MRC1: variants seen among roughly 807,000 people sequenced by gnomAD.
MRC1 encodes the protein macrophage mannose receptor 1.
Under a neutral mutation model 102.9 loss-of-function variants are expected in MRC1, and 62 were observed. The ratio of observed to expected loss-of-function variants is 0.60; its 90% CI spans 0.49 to 0.74. The LOEUF is 0.74. Among genes scored for constraint, MRC1 ranks in the 30% least tolerant of loss-of-function variants. The pLI, the probability that MRC1 is intolerant of heterozygous loss-of-function variation, is 0.00. For missense variants in MRC1, 1,237 were observed against 862.8 expected (o/e 1.43, Z -5.43); for synonymous variants, 457 against 298.4 (o/e 1.53, Z -5.48).
chr10:17,839,346 CG>C (rs1229276907), intron 4 of MRC1, among the ~76,000 whole-genome samples: 1 of 152,068 alleles, frequency 6.6e-6, no homozygotes, highest in African/African-American at 2.4e-5. Context: ...CACTTATTTT[CG>C]TAATTAAGTT....
At chr10:17,855,613 C>T (rs1476937471) in intron 8 of MRC1, among the ~76,000 whole-genome samples, 1 of 143,642 alleles carries the variant, frequency 7.0e-6, no homozygotes, top group South Asian at 2.3e-4. Context: ...TGCATGCAAA[C>T]CTCTTGCGAG....
chr10:17,910,773 C>G lies in MRC1; in HGVS notation c.*308C>G. On this transcript the variant is annotated 3_prime_UTR_variant, in exon 30 of 30. Transcript: ENST00000569591. The stretch of plus-strand genomic sequence containing the variant: ...CAGCTTCATGTGGATTTTAAGCACT[C>G]TAGAAACAATGAAGCTTCTTGGCAT... 1 of 360,090 alleles carries G rather than the reference C, an allele frequency of 2.8e-6. No homozygotes were observed. Among genetic ancestry groups the G allele is most frequent in the Non-Finnish European group, 5.1e-6 (1 of 195,698 alleles). The allele number at this position is 360,090 out of a possible 1,614,324, so 22.3% of individuals were successfully genotyped here.
rs925384204 is a variant in MRC1, at chr10:17,886,048, G to C, written c.3147+613G>C. Among the ~76,000 whole-genome samples the C allele has an allele frequency of 7.5e-3, 1,135 of 152,228 alleles. 7 individuals are homozygous for C. Among genetic ancestry groups the C allele is most frequent in the African/African-American group, 0.026 (1,076 of 41,536 alleles). On this transcript the variant is annotated intron_variant, in intron 22 of 29. Transcript: ENST00000569591. ...AAGATTTTGTTTTTACCTTAAAAGT[G>C]TGTACACTTAAACTAGACCACAAGT... is the stretch of plus-strand genomic sequence containing the variant.
chr10:17,841,456 A>G (rs479638), intron 5 of MRC1, among the ~76,000 whole-genome samples: 144,208 of 152,284 alleles, frequency 0.95, 68,303 homozygotes, highest in East Asian at 1. Flanking sequence ...GAGGTTTCTC[A>G]ACAGTAGTTT....
Position 17,871,905 on chromosome 10 carries a change from G to A in MRC1, c.2200-77G>A, listed in dbSNP as rs933024402. 1.6e-3 allele frequency: 1,210 copies of A among 738,000 alleles called. 7 individuals carry two copies. Among genetic ancestry groups the A allele is most frequent in the African/African-American group, 0.015 (879 of 57,200 alleles). The allele number at this position is 738,000 out of a possible 1,614,324, so 45.7% of individuals were successfully genotyped here. ...ATAAAACAATGCAAACATATCTTTC[G>A]TTTTCTGTTTGGATGAATGATTGGC... is the stretch of plus-strand genomic sequence containing the variant. On this transcript the variant is annotated intron_variant, in intron 14 of 29. Coordinates refer to ENST00000569591, the MANE Select transcript of MRC1 (RefSeq NM_002438.4).
At chr10:17,811,728 C>T (rs1554837451) in intron 1 of MRC1, among the ~76,000 whole-genome samples, 1 of 152,056 alleles carries the variant, frequency 6.6e-6, no homozygotes, top group African/African-American at 2.4e-5. Flanking sequence ...AGCCACTATG[C>T]CAGGCTAATT....
intron 2 of MRC1, among the ~76,000 whole-genome samples, chr10:17,824,022 A>G (rs1838437326): frequency 6.6e-6 from 1 of 152,200 alleles, no homozygotes; most frequent in Non-Finnish European, 1.5e-5. Context: ...AAGATTATAA[A>G]ATCTCTAGGA....
intron 22 of MRC1, among the ~76,000 whole-genome samples, chr10:17,891,703 CTG>C (rs1310633243): frequency 1.3e-5 from 2 of 152,180 alleles, no homozygotes; most frequent in Admixed American, 6.5e-5. Flanking sequence ...ACGAATTAGG[CTG>C]TGTTTGCTGT....
At chr10:17,811,259 A>G (rs1838216522) in intron 1 of MRC1, among the ~76,000 whole-genome samples, 1 of 152,186 alleles carries the variant, frequency 6.6e-6, no homozygotes, top group African/African-American at 2.4e-5. Flanking sequence ...GTGTCATTTT[A>G]AGTGTACAAT....
At chr10:17,813,698 ATATT>A (rs1319217016) in intron 1 of MRC1, among the ~76,000 whole-genome samples, 4 of 104,458 alleles carry the variant, frequency 3.8e-5, no homozygotes, top group East Asian at 5.0e-4. Flanking sequence ...ATATATATAT[ATATT>A]TTTTTTTTTT....
intron 16 of MRC1, 151 bp downstream of exon 16, chr10:17,873,976 C>A: frequency 1.5e-6 from 1 of 677,392 alleles, no homozygotes; most frequent in East Asian, 2.6e-5. Context: ...TTTGGGTCTT[C>A]CTCTCCAGAG....
chr10:17,910,373 ACT>A lies in MRC1; in HGVS notation c.4282_4283del (p.Leu1428ValfsTer3). 2 of 780,534 alleles carry A rather than the reference ACT, an allele frequency of 2.6e-6. No individual in the cohort carries two copies. The highest frequency in any genetic ancestry group is 4.8e-6 in the Non-Finnish European group (2 of 417,922). The allele number at this position is 780,534 out of a possible 1,614,324, so 48.4% of individuals were successfully genotyped here. On this transcript the variant is annotated frameshift_variant, in exon 30 of 30. Coordinates refer to ENST00000569591, the MANE Select transcript of MRC1 (RefSeq NM_002438.4). LOFTEE classifies it high-confidence loss of function. ...ACCTCAAGAGGGCGCCTTTGAAAAC[ACT>A]CTGTATTTTAACAGTCAGTCAAGCC... ...HLPQEGAFEN[T>X]LYFNSQSSPG... is the part of the protein sequence containing the mutation.
At chr10:17,828,310 T>A (rs911069600) in intron 3 of MRC1, among the ~76,000 whole-genome samples, 10 of 151,458 alleles carry the variant, frequency 6.6e-5, no homozygotes, top group African/African-American at 2.5e-4. Flanking sequence ...TCTGCTAACC[T>A]CGTGATCCGC....
At chr10:17,884,826 T>A (rs991046351) in intron 21 of MRC1, among the ~76,000 whole-genome samples, 12 of 152,366 alleles carry the variant, frequency 7.9e-5, no homozygotes, top group Admixed American at 7.2e-4. Context: ...TGACAGTTTT[T>A]ATTTTTTCAG....
At chr10:17,899,006 C>G (rs1024027130) in intron 24 of MRC1, among the ~76,000 whole-genome samples, 1 of 151,656 alleles carries the variant, frequency 6.6e-6, no homozygotes, top group Middle Eastern at 3.2e-3. Context: ...GAAAAGGGAC[C>G]AGTTGGGCTA....
chr10:17,860,043 C>T (rs1327812256), intron 9 of MRC1, among the ~76,000 whole-genome samples: 2 of 152,230 alleles, frequency 1.3e-5, no homozygotes, highest in East Asian at 1.9e-4. Context: ...CTCCCTGCCT[C>T]AAGTGAGACA....
chr10:17,876,790 G>A (rs1833443483), intron 17 of MRC1, among the ~76,000 whole-genome samples: 2 of 152,030 alleles, frequency 1.3e-5, no homozygotes, highest in African/African-American at 4.8e-5. Flanking sequence ...TTTCTTGGTT[G>A]TAACAAAATT....
intron 4 of MRC1, among the ~76,000 whole-genome samples, chr10:17,837,258 C>A (rs1223664549): frequency 6.6e-6 from 1 of 152,230 alleles, no homozygotes; most frequent in Non-Finnish European, 1.5e-5. Context: ...CAAATTTTCA[C>A]TGGCATCTGG....
At chr10:17,824,060 TTTAG>T (rs1384613019) in intron 2 of MRC1, among the ~76,000 whole-genome samples, 130 of 152,336 alleles carry the variant, frequency 8.5e-4, no homozygotes, top group African/African-American at 2.7e-3. Flanking sequence ...ATGCAGTCTA[TTTAG>T]TTAGCCATCA....
Sources: gnomAD v4.1 joint callset for allele counts (sites outside exome capture counted in the v4.1 genomes callset) on GRCh38, gnomAD v4.1.1 for gene constraint, MANE v1.5 for transcripts, NCBI Gene and HGNC (gene_info 2026-07-23, HGNC 2026-07-21) for gene names.